The following MFHAS1 variants were observed in gnomAD, a reference collection of about 807,000 sequenced individuals.
MFHAS1 encodes multifunctional ROCO family signaling regulator 1.
A neutral mutation model predicts 70.4 loss-of-function variants in MFHAS1; 50 were observed. The observed-to-expected ratio is 0.71, with a 90% CI of 0.57 to 0.90. The LOEUF (loss-of-function observed/expected upper bound fraction) is 0.90. Among genes scored for constraint, MFHAS1 ranks in the 40% least tolerant of loss-of-function variants. MFHAS1 has a pLI of 0.00. For synonymous variants in MFHAS1, 952 were observed against 620.0 expected (o/e 1.54, Z -7.96); for missense variants, 1,795 against 1,347.6 (o/e 1.33, Z -5.20).
intron 2 of MFHAS1, among the ~76,000 whole-genome samples, chr8:8,791,125 G>GTTTTTTTT (rs34714915): frequency 7.5e-6 from 1 of 132,644 alleles, no homozygotes; most frequent in Admixed American, 7.8e-5. Context: ...CACCCCACCC[G>GTTTTTTTT]TTTTTTTTTT....
intron 1 of MFHAS1, among the ~76,000 whole-genome samples, chr8:8,838,308 G>T (rs1157105076): frequency 6.6e-6 from 1 of 152,128 alleles, no homozygotes; most frequent in East Asian, 1.9e-4. Flanking sequence ...GAGGGGAAGG[G>T]TCTATATTCT....
At chr8:8,866,231 C>T (rs1808851772) in intron 1 of MFHAS1, among the ~76,000 whole-genome samples, 1 of 151,990 alleles carries the variant, frequency 6.6e-6, no homozygotes, top group African/African-American at 2.4e-5. Context: ...TAACTGATCC[C>T]TGTTTTATCA....
At chr8:8,807,281 C>T (rs1011726070) in intron 1 of MFHAS1, among the ~76,000 whole-genome samples, 72 of 152,076 alleles carry the variant, frequency 4.7e-4, no homozygotes, top group Admixed American at 2.0e-4. Context: ...AAAAGCCTGA[C>T]GAATGTGACC....
intron 1 of MFHAS1, among the ~76,000 whole-genome samples, chr8:8,803,421 G>T (rs973046667): frequency 6.6e-6 from 1 of 151,588 alleles, no homozygotes; most frequent in South Asian, 2.1e-4. Context: ...GGAGGCTGAG[G>T]CAGAAGAATC....
intron 2 of MFHAS1, among the ~76,000 whole-genome samples, chr8:8,793,803 T>A (rs1372095590): frequency 6.6e-6 from 1 of 152,224 alleles, no homozygotes; most frequent in East Asian, 1.9e-4. Context: ...TGTACACACG[T>A]TAGACTCATC....
At chr8:8,847,461 T>C (rs946967849) in intron 1 of MFHAS1, among the ~76,000 whole-genome samples, 4 of 152,168 alleles carry the variant, frequency 2.6e-5, no homozygotes, top group Non-Finnish European at 5.9e-5. Flanking sequence ...AGATGACAGG[T>C]GTGAGTCACC....
In MFHAS1 at chr8:8,891,274, G is replaced by A; in HGVS notation, c.1785C>T (p.Tyr595=). ...ELRSASPHAA[Y]YGVSDKNLRR... ...GAAGGTTCTTGTCCGAAACGCCATA[G>A]TAGGCTGCGTGGGGGCTGGCAGAGC... Residue 595 remains tyrosine (Y), a synonymous_variant, in exon 1 of 3, where the codon TAC becomes TAT. Coordinates refer to ENST00000276282, the MANE Select transcript of MFHAS1 (RefSeq NM_004225.3). The surrounding 1 kb of genome is among the most constrained non-coding windows in gnomAD (Gnocchi z 5.4). 6.2e-7 allele frequency: 1 copy of A among 1,612,090 alleles called. No individual in the cohort carries two copies. Among genetic ancestry groups the A allele is most frequent in the Non-Finnish European group, 8.5e-7 (1 of 1,180,032 alleles).
intron 1 of MFHAS1, among the ~76,000 whole-genome samples, chr8:8,802,880 G>C (rs569399705): frequency 1.1e-4 from 16 of 152,200 alleles, no homozygotes; most frequent in Non-Finnish European, 2.4e-4. Flanking sequence ...TGAATTCATG[G>C]GGAAGGCAGG....
At chr8:8,845,321 T>C (rs1302573258) in intron 1 of MFHAS1, among the ~76,000 whole-genome samples, 1 of 152,212 alleles carries the variant, frequency 6.6e-6, no homozygotes, top group African/African-American at 2.4e-5. Flanking sequence ...ATACCAATAT[T>C]GGCAAGATTA....
intron 1 of MFHAS1, among the ~76,000 whole-genome samples, chr8:8,817,661 A>C (rs1289146057): frequency 6.6e-6 from 1 of 152,196 alleles, no homozygotes; most frequent in African/African-American, 2.4e-5. Context: ...CCTGTTTGGC[A>C]CTAGAAACCA....
At chr8:8,882,016 G>A (rs1376930454) in intron 1 of MFHAS1, among the ~76,000 whole-genome samples, 1 of 152,106 alleles carries the variant, frequency 6.6e-6, no homozygotes. Flanking sequence ...AGATATGGAA[G>A]GCAGGAATAT....
chr8:8,851,682 T>A (rs946399485), intron 1 of MFHAS1, among the ~76,000 whole-genome samples: 3 of 152,210 alleles, frequency 2.0e-5, no homozygotes, highest in African/African-American at 7.2e-5. Flanking sequence ...CCCTTCCTCT[T>A]GCCTTGTTTT....
At chr8:8,881,451 C>G (rs1278347533) in intron 1 of MFHAS1, among the ~76,000 whole-genome samples, 1 of 152,232 alleles carries the variant, frequency 6.6e-6, no homozygotes, top group Non-Finnish European at 1.5e-5. Context: ...CCTGTACACA[C>G]TTTCCGGGAA....
At chr8:8,798,329 T>G (rs1204586343) in intron 1 of MFHAS1, among the ~76,000 whole-genome samples, 2 of 152,124 alleles carry the variant, frequency 1.3e-5, no homozygotes, top group Non-Finnish European at 2.9e-5. Flanking sequence ...AACTAAATTT[T>G]TTGTTGTTGT....
At chr8:8,800,762 G>A (rs1038822202) in intron 1 of MFHAS1, among the ~76,000 whole-genome samples, 1 of 152,128 alleles carries the variant, frequency 6.6e-6, no homozygotes, top group African/African-American at 2.4e-5. Flanking sequence ...TTCCACACAG[G>A]CCCCAGCTCC....
intron 1 of MFHAS1, among the ~76,000 whole-genome samples, chr8:8,882,214 T>C (rs1303660850): frequency 1.3e-5 from 2 of 151,452 alleles, no homozygotes; most frequent in Non-Finnish European, 2.9e-5. Flanking sequence ...AACCCCCATC[T>C]CTACTAAAAA....
Position 8,892,789 on chromosome 8 carries a change from G to C in MFHAS1, c.270C>G (p.Arg90=). The change falls in exon 1 of 3, where the codon CGC becomes CGG. Residue 90 remains arginine, a synonymous_variant. Transcript: ENST00000276282. This position sits in a 1 kb window ranked among gnomAD's most constrained non-coding sequence, Gnocchi z 4.7. ...EGLGSALGSL[R]VLVLRRNRFA... is the part of the protein sequence containing the mutation. ...AGCGGTTCCTGCGCAGGACCAGGAC[G>C]CGCAGGCTGCCCAGCGCCGACCCCA... is the stretch of plus-strand genomic sequence containing the variant. 1.9e-6 allele frequency: 3 copies of C among 1,584,576 alleles called. No individual in the cohort carries two copies. The highest frequency in any genetic ancestry group is 1.7e-6 in the Non-Finnish European group (2 of 1,165,962).
At chr8:8,824,917 T>C (rs927463750) in intron 1 of MFHAS1, among the ~76,000 whole-genome samples, 1 of 152,220 alleles carries the variant, frequency 6.6e-6, no homozygotes, top group African/African-American at 2.4e-5. Context: ...ATTTGCTTCT[T>C]CCAGTCAGAT....
At chr8:8,826,870 G>A (rs1282666589) in intron 1 of MFHAS1, among the ~76,000 whole-genome samples, 1 of 152,176 alleles carries the variant, frequency 6.6e-6, no homozygotes, top group Non-Finnish European at 1.5e-5. Flanking sequence ...GCTGCCATAA[G>A]GAAACACACC....
Sources: gnomAD v4.1 joint callset for allele counts (sites outside exome capture counted in the v4.1 genomes callset) on GRCh38, gnomAD v4.1.1 for gene constraint, Gnocchi (gnomAD v3.1) non-coding constraint, MANE v1.5 for transcripts, NCBI Gene and HGNC (gene_info 2026-07-23, HGNC 2026-07-21) for gene names.